The following VPS13C variants were observed in gnomAD, a reference collection of about 807,000 sequenced individuals.
The protein encoded by VPS13C is intermembrane lipid transfer protein VPS13C.
Under a neutral mutation model 456.8 loss-of-function variants are expected in VPS13C, and 358 were observed. The ratio of observed to expected loss-of-function variants is 0.78; its 90% CI spans 0.72 to 0.86. VPS13C has a LOEUF of 0.86. VPS13C is among the 40% of genes least tolerant of loss of function. The pLI is 0.00. For synonymous variants in VPS13C, 1,578 were observed against 1,486.7 expected (o/e 1.06, Z -1.41); for missense variants, 4,818 against 4,385.4 (o/e 1.10, Z -2.79).
chr15:61,907,528 C>T (rs1215525411), intron 65 of VPS13C, 138 bp from the exon 66 acceptor site: 4 of 1,127,460 alleles, frequency 3.5e-6, no homozygotes, highest in Non-Finnish European at 4.9e-6. Context: ...TACCTAAAAA[C>T]AAGTACCCTA....
intron 1 of VPS13C, among the ~76,000 whole-genome samples, chr15:62,053,102 A>G (rs1051015491): frequency 6.6e-6 from 1 of 152,178 alleles, no homozygotes; most frequent in African/African-American, 2.4e-5. Context: ...CACCGCTTTA[A>G]CTGGTAGTAA....
intron 66 of VPS13C, among the ~76,000 whole-genome samples, chr15:61,893,407 G>C (rs978886666): frequency 9.9e-5 from 15 of 152,026 alleles, no homozygotes; most frequent in African/African-American, 3.6e-4. Flanking sequence ...AAACATGACA[G>C]AGAGATAAAG....
At chr15:61,942,205 T>A (rs2044451480) in intron 45 of VPS13C, 138 bp from the exon 46 acceptor site, 2 of 746,196 alleles carry the variant, frequency 2.7e-6, no homozygotes, top group Non-Finnish European at 4.1e-6. Flanking sequence ...ATGTAGAGAG[T>A]GAAGTCTAGA....
At chr15:61,945,012 G>T (rs2044557041) in intron 45 of VPS13C, among the ~76,000 whole-genome samples, 1 of 152,090 alleles carries the variant, frequency 6.6e-6, no homozygotes, top group Admixed American at 6.6e-5. Flanking sequence ...CTGGATCACA[G>T]GGGCAGTTTC....
rs1380057785 is a variant in VPS13C, at chr15:62,056,041, G to C, written c.100+4234C>G. Reference sequence around the variant, plus strand: ...CTGTCAAATATACCCTGGGTACAAAGTCACCTCCCACTGAAAATCACTGCT... The same window carrying C: ...CTGTCAAATATACCCTGGGTACAAACTCACCTCCCACTGAAAATCACTGCT... On this transcript the variant is annotated intron_variant, in intron 1 of 84. Transcript: ENST00000644861. Among the ~76,000 whole-genome samples the C allele has an allele frequency of 2.0e-5, 3 of 152,118 alleles. No individual in the cohort carries two copies. The East Asian group carries it at 5.8e-4, about 29-fold the overall frequency.
chr15:61,884,184 G>C lies in VPS13C; in HGVS notation c.9427C>G (p.Gln3143Glu). 6.2e-7 allele frequency: 1 copy of C among 1,609,782 alleles called. No homozygotes were observed. The highest frequency in any genetic ancestry group is 8.5e-7 in the Non-Finnish European group (1 of 1,178,444). Reference sequence around the variant, plus strand: ...TGGTCTCTTGATATTTGATGTTTCTGATAGGATTGTTCCAATAAGATTATC... The same window carrying C: ...TGGTCTCTTGATATTTGATGTTTCTCATAGGATTGTTCCAATAAGATTATC... The part of the protein sequence containing the change: ...KQIILLEQSY[Q>E]KHQISRDHGW... Residue 3143 changes from glutamine to glutamate, a missense_variant, in exon 68 of 85, where the codon CAG (glutamine) becomes GAG (glutamate). Physicochemically the swap from Gln to Glu is conservative, Grantham distance 29. Coordinates refer to ENST00000644861, the MANE Select transcript of VPS13C (RefSeq NM_020821.3).
chr15:61,856,119 C>A (rs1302549380), intron 83 of VPS13C, among the ~76,000 whole-genome samples, 167 bp downstream of exon 83: 2 of 152,076 alleles, frequency 1.3e-5, no homozygotes, highest in African/African-American at 4.8e-5. Context: ...ATCAAGACTG[C>A]CAGAAAATAA....
chr15:61,956,705 C>A (rs186688839), intron 37 of VPS13C, among the ~76,000 whole-genome samples: 71 of 152,194 alleles, frequency 4.7e-4, no homozygotes, highest in African/African-American at 1.6e-3. Flanking sequence ...AAGGTGATCA[C>A]CTTCACCAGT....
intron 66 of VPS13C, among the ~76,000 whole-genome samples, chr15:61,902,795 G>C (rs958353845): frequency 2.7e-5 from 4 of 150,082 alleles, no homozygotes; most frequent in Non-Finnish European, 5.9e-5. Flanking sequence ...ACAAGACAAA[G>C]ATGCCCACTT....
chr15:61,936,638 A>G lies in VPS13C; in HGVS notation c.5714T>C (p.Val1905Ala), dbSNP rs2044235420. The G allele has an allele frequency of 3.8e-6, 6 of 1,585,486 alleles. No homozygotes were observed. The East Asian group carries it at 1.4e-4, about 36-fold the overall frequency. ...PTQSVQETVR[V>A]RKVDVSSVPD... ...TACACTTGAAACATCAACTTTTCTC[A>G]CTCTTACAGTCTCCTGCACAGACTG... Residue 1905 changes from valine to alanine, a missense_variant, in exon 48 of 85, where the codon GTG becomes GCG. By Grantham distance (64) the Val-to-Ala change is moderately conservative. Coordinates refer to ENST00000644861, the MANE Select transcript of VPS13C (RefSeq NM_020821.3).
intron 81 of VPS13C, chr15:61,864,087 T>C (rs1894376373): frequency 6.3e-6 from 1 of 158,736 alleles, no homozygotes; most frequent in Non-Finnish European, 1.3e-5. Flanking sequence ...GTAGATATTA[T>C]ACACATAATA....
chr15:61,857,650 G>C (rs746534157), intron 82 of VPS13C, among the ~76,000 whole-genome samples: 1 of 152,168 alleles, frequency 6.6e-6, no homozygotes, highest in Admixed American at 6.5e-5. Flanking sequence ...TTAGATTCAC[G>C]GTTCTGGTGG....
chr15:62,028,317 T>C (rs773395362), intron 6 of VPS13C, 41 bp downstream of exon 6: 23 of 1,599,086 alleles, frequency 1.4e-5, no homozygotes, highest in Non-Finnish European at 1.8e-5. Flanking sequence ...TACACAAGAA[T>C]ATGTTTATAT....
intron 42 of VPS13C, among the ~76,000 whole-genome samples, chr15:61,948,404 G>A (rs1965048): frequency 0.43 from 65,704 of 151,848 alleles, 14,365 homozygotes; most frequent in Middle Eastern, 0.64. Flanking sequence ...ACATCCGGCC[G>A]GGCGTGGTGG....
chr15:61,929,451 T>A lies in VPS13C; in HGVS notation c.6286+50A>T, dbSNP rs1480629908. ...ATTTCTCTTTTTTCTGGTTTGTAAT[T>A]CTTGTCAAAATATACAAGTTGTCAT... On this transcript the variant is annotated intron_variant, in intron 51 of 84. Transcript: ENST00000644861. 6 of 1,554,288 alleles carry A rather than the reference T, an allele frequency of 3.9e-6. No homozygotes were observed. In the East Asian group the frequency reaches 6.8e-5, roughly 18 times the overall value.
chr15:61,871,506 T>A (rs1412219956), intron 79 of VPS13C, among the ~76,000 whole-genome samples: 1 of 152,166 alleles, frequency 6.6e-6, no homozygotes, highest in African/African-American at 2.4e-5. Context: ...TTAGTTACTG[T>A]AGCTTTACAG....
intron 81 of VPS13C, chr15:61,865,668 ATATGTGTATATTTG>A (rs910138345): frequency 2.1e-5 from 8 of 378,132 alleles, no homozygotes; most frequent in Admixed American, 1.3e-4. Flanking sequence ...GTATGTGTAT[ATATGTGTATATTTG>A]TATGTGTATA....
chr15:62,042,615 G>A (rs1272960189), intron 2 of VPS13C, among the ~76,000 whole-genome samples: 1 of 151,898 alleles, frequency 6.6e-6, no homozygotes, highest in Non-Finnish European at 1.5e-5. Context: ...GCATTATACA[G>A]TATACAAACT....
chr15:62,028,369 T>A lies in VPS13C; in HGVS notation c.437A>T (p.Asp146Val), dbSNP rs1347461520. The A allele has an allele frequency of 9.9e-6, 16 of 1,612,906 alleles. No homozygotes were observed. The South Asian group carries it at 1.6e-4, about 17-fold the overall frequency. ...CCATGCATACCCACCAGGCTTGATG[T>A]CCTTGTAAACAAAGTTCTCCAAGCC... ...IYGLENFVYK[D>V]IKPGRKRKKH... Residue 146 changes from aspartate (D) to valine (V), a missense_variant, in exon 6 of 85, where the codon GAC becomes GTC. Transcript: ENST00000644861.
Sources: gnomAD v4.1 joint callset for allele counts (sites outside exome capture counted in the v4.1 genomes callset) on GRCh38, gnomAD v4.1.1 for gene constraint, MANE v1.5 for transcripts, NCBI Gene and HGNC (gene_info 2026-07-23, HGNC 2026-07-21) for gene names.